The following ZNF563 variants were observed in gnomAD, a reference collection of about 807,000 sequenced individuals.
ZNF563 encodes the protein zinc finger protein 563.
A neutral mutation model predicts 48.5 loss-of-function variants in ZNF563; 39 were observed. That is an observed-to-expected ratio of 0.80 (90% CI 0.62 to 1.05). The LOEUF is 1.05. Among genes scored for constraint, ZNF563 ranks in the 50% least tolerant of loss-of-function variants. The pLI is 0.00. For missense variants in ZNF563, 538 were observed against 597.0 expected (o/e 0.90, Z 1.03); for synonymous variants, 168 against 187.9 (o/e 0.89, Z 0.87).
upstream of ZNF563, among the ~76,000 whole-genome samples, chr19:12,335,982 G>A (rs573562426): frequency 1.3e-5 from 2 of 152,296 alleles, no homozygotes; most frequent in South Asian, 4.1e-4. Flanking sequence ...GAGGGCAAAA[G>A]GGAATGTTCC....
At chr19:12,331,811 G>A (rs571840942) in intron 1 of ZNF563, among the ~76,000 whole-genome samples, 1 of 152,262 alleles carries the variant, frequency 6.6e-6, no homozygotes, top group East Asian at 1.9e-4. Flanking sequence ...AGATAGTGTG[G>A]GCTCAGGACT....
At chr19:12,343,861 T>G in the ZNF563 span, among the ~76,000 whole-genome samples, 3 of 150,838 alleles carry the variant, frequency 2.0e-5, no homozygotes, top group African/African-American at 7.3e-5. Context: ...CTCCCGAGTA[T>G]CTAGGACTAC....
At chr19:12,347,363 C>G in the ZNF563 span, 1 of 152,168 alleles carries the variant, frequency 6.6e-6, no homozygotes, top group Non-Finnish European at 1.5e-5. Flanking sequence ...CCTCCTACTA[C>G]TTCATTGGGT....
chr19:12,340,193 G>A, the ZNF563 span, among the ~76,000 whole-genome samples: 2 of 152,142 alleles, frequency 1.3e-5, no homozygotes, highest in Non-Finnish European at 2.9e-5. Flanking sequence ...AATTAGCCAG[G>A]AATGGTGGCA....
chr19:12,342,505 C>T, the ZNF563 span, among the ~76,000 whole-genome samples: 1 of 151,138 alleles, frequency 6.6e-6, no homozygotes, highest in East Asian at 1.9e-4. Context: ...GGGGGTGGTG[C>T]CTCAAACCTG....
the ZNF563 span, among the ~76,000 whole-genome samples, chr19:12,340,589 C>T: frequency 1.5e-4 from 23 of 152,174 alleles, no homozygotes; most frequent in African/African-American, 5.3e-4. Flanking sequence ...TCCTGGCCAA[C>T]GTGGTGAAAC....
intron 1 of ZNF563, among the ~76,000 whole-genome samples, chr19:12,324,739 A>C (rs936296073): frequency 6.6e-6 from 1 of 151,666 alleles, no homozygotes; most frequent in Non-Finnish European, 1.5e-5. Context: ...AAAAAAAAAA[A>C]AAAAACCCTC....
At chr19:12,338,944 G>A in the ZNF563 span, among the ~76,000 whole-genome samples, 3 of 152,130 alleles carry the variant, frequency 2.0e-5, no homozygotes, top group Non-Finnish European at 4.4e-5. Flanking sequence ...GGTAAACTGT[G>A]GTTAATTGTG....
At chr19:12,340,173 A>C in the ZNF563 span, among the ~76,000 whole-genome samples, 8 of 152,146 alleles carry the variant, frequency 5.3e-5, no homozygotes, top group Admixed American at 4.6e-4. Context: ...GTCTCTACAG[A>C]AAATACAAAA....
chr19:12,338,506 G>C (rs1205286898), upstream of ZNF563, among the ~76,000 whole-genome samples: 1 of 152,108 alleles, frequency 6.6e-6, no homozygotes, highest in African/African-American at 2.4e-5. Context: ...GCCTCGGAAA[G>C]AGCTGGGATT....
At chr19:12,341,256 T>C in the ZNF563 span, among the ~76,000 whole-genome samples, 1 of 152,212 alleles carries the variant, frequency 6.6e-6, no homozygotes, top group Admixed American at 6.5e-5. Flanking sequence ...TTTGCCATGT[T>C]GCCCAGGCTG....
At chr19:12,332,319 G>A (rs969660743) in intron 1 of ZNF563, among the ~76,000 whole-genome samples, 3 of 151,766 alleles carry the variant, frequency 2.0e-5, no homozygotes, top group African/African-American at 7.3e-5. Context: ...GGTAAGTTAC[G>A]GGTCTAACTT....
At chr19:12,343,726 T>A in the ZNF563 span, among the ~76,000 whole-genome samples, 273 of 116,960 alleles carry the variant, frequency 2.3e-3, 4 homozygotes, top group South Asian at 0.036. Context: ...GCATAAATTC[T>A]TTTTTTTTTT....
At chr19:12,328,567 G>A (rs1454517638) in intron 1 of ZNF563, among the ~76,000 whole-genome samples, 1 of 152,086 alleles carries the variant, frequency 6.6e-6, no homozygotes, top group Non-Finnish European at 1.5e-5. Context: ...GAGGTCGGGA[G>A]TTCAAGACCA....
In ZNF563 at chr19:12,318,900, A is replaced by C. The variant is rs777166619; in HGVS notation, c.1125T>G (p.Ser375=). 6.8e-6 allele frequency: 11 copies of C among 1,614,102 alleles called. No homozygotes were observed. The highest frequency in any genetic ancestry group is 8.5e-6 in the Non-Finnish European group (10 of 1,180,046). ...TGTGTCTTCGAAAGCTTGAGCTATG[A>C]GATAACGTTTTCCCACACTGCTTGC... is the stretch of plus-strand genomic sequence containing the variant. The part of the protein sequence containing the change: ...YECKQCGKTL[S]HSSSFRRHMI... Residue 375 remains serine (S), a synonymous_variant, in exon 4 of 4, where the codon TCT becomes TCG. Coordinates refer to ENST00000293725, the MANE Select transcript of ZNF563 (RefSeq NM_145276.3).
In ZNF563 at chr19:12,333,623, A is replaced by G; in HGVS notation, c.-141T>C. 2.3e-6 allele frequency: 3 copies of G among 1,291,286 alleles called. No homozygotes were observed. In the South Asian group the frequency reaches 4.3e-5, roughly 18 times the overall value. 80.0% of individuals were successfully genotyped at this position (1,291,286 alleles called of 1,614,324 possible). A position where few individuals can be genotyped will look rare whatever the true frequency, so the allele number is the denominator to read the frequency against. On this transcript the variant is annotated 5_prime_UTR_variant, in exon 1 of 4. Transcript: ENST00000293725. ...ACACAGACGTTCCAGGGCGTCTCTC[A>G]GCGAGCGACTGAGTCTAGAGCTGAG... is the stretch of plus-strand genomic sequence containing the variant.
chr19:12,339,038 C>T, the ZNF563 span, among the ~76,000 whole-genome samples: 1 of 152,140 alleles, frequency 6.6e-6, no homozygotes, highest in South Asian at 2.1e-4. Context: ...TATTTTCCTC[C>T]AGTTTGGCAG....
In ZNF563 at chr19:12,319,776, T is replaced by C; in HGVS notation, c.249A>G (p.Thr83=). The C allele has an allele frequency of 6.2e-7, 1 of 1,614,194 alleles. No homozygotes were observed. The highest frequency in any genetic ancestry group is 2.2e-5 in the East Asian group (1 of 44,894). ...ESKDSSQCGE[T]FSLIRDSIVN... The stretch of plus-strand genomic sequence containing the variant: ...CAATACTATCTCGAATGAGGCTAAA[T>C]GTTTCTCCACACTGACTACTGTCTT... The change falls in exon 4 of 4, where the codon ACA becomes ACG. Residue 83 remains threonine, a synonymous_variant. Coordinates refer to ENST00000293725, the MANE Select transcript of ZNF563 (RefSeq NM_145276.3).
chr19:12,336,454 T>C (rs1969021958), upstream of ZNF563, among the ~76,000 whole-genome samples: 1 of 152,150 alleles, frequency 6.6e-6, no homozygotes, highest in African/African-American at 2.4e-5. Flanking sequence ...TAGCTGGGCA[T>C]GGTGGTGCGT....
Sources: allele counts gnomAD v4.1 joint callset (sites outside exome capture counted in the v4.1 genomes callset), GRCh38; gene constraint gnomAD v4.1.1; transcripts MANE v1.5; gene names NCBI Gene and HGNC (gene_info 2026-07-23, HGNC 2026-07-21).